Variants in SLC22A9 observed in about 807,000 individuals in gnomAD.
The protein encoded by SLC22A9 is solute carrier family 22 member 9, also known as organic anion transporter 7.
In SLC22A9, 64 loss-of-function variants were observed where a neutral mutation model predicts 50.1. That is an observed-to-expected ratio of 1.28 (90% CI 1.04 to 1.57). The LOEUF is 1.57. Among genes scored for constraint, SLC22A9 ranks in the 40% most tolerant of loss-of-function variants. SLC22A9 has a pLI of 0.00. For missense variants in SLC22A9, 757 were observed against 676.1 expected, an observed-to-expected ratio of 1.12 and a Z score of -1.33; for synonymous variants, 261 against 242.5, an observed-to-expected ratio of 1.08 and a Z score of -0.71.
chr11:63,399,136 G>T (rs2014911035), intron 6 of SLC22A9, among the ~76,000 whole-genome samples: 1 of 152,042 alleles, frequency 6.6e-6, no homozygotes, highest in Non-Finnish European at 1.5e-5. Context: ...AAAGGAAGAA[G>T]GTATATAGAG....
rs1431703607 is a variant in SLC22A9 at position 63,406,849 on chromosome 11, T to TG, written c.1288+141dup. 3 of 984,518 alleles carry TG rather than the reference T, an allele frequency of 3.0e-6. No homozygotes were observed. In the Admixed American group the frequency reaches 8.4e-5, roughly 28 times the overall value. 61.0% of individuals were successfully genotyped at this position (984,518 alleles called of 1,614,324 possible). Reference sequence around the variant, plus strand: ...ATTTCCTGACACCAATCTGGGGATTTGGGACAGATTCTGCCACAAGTTGCT... The same window carrying TG: ...ATTTCCTGACACCAATCTGGGGATTTGGGGACAGATTCTGCCACAAGTTGCT... On this transcript the variant is annotated intron_variant, in intron 7 of 9. Coordinates refer to ENST00000279178, the MANE Select transcript of SLC22A9 (RefSeq NM_080866.3).
intron 2 of SLC22A9, among the ~76,000 whole-genome samples, chr11:63,373,055 G>A (rs2014391766): frequency 6.6e-6 from 1 of 151,638 alleles, no homozygotes; most frequent in Non-Finnish European, 1.5e-5. Flanking sequence ...TATTGTTCCA[G>A]TTGTCTACAG....
intron 8 of SLC22A9, 22 bp from the exon 9 acceptor site, chr11:63,408,654 G>A (rs1202953501): frequency 6.3e-7 from 1 of 1,596,970 alleles, no homozygotes; most frequent in Admixed American, 1.7e-5. Context: ...AGATATTCTT[G>A]TATTGCTGTT....
intron 6 of SLC22A9, among the ~76,000 whole-genome samples, chr11:63,394,605 A>G (rs1391873341): frequency 6.6e-6 from 1 of 152,124 alleles, no homozygotes; most frequent in African/African-American, 2.4e-5. Context: ...TGTTAATCTG[A>G]TAGGTTTTCC....
intron 6 of SLC22A9, among the ~76,000 whole-genome samples, chr11:63,392,939 CT>C (rs1158152144): frequency 6.6e-6 from 1 of 152,002 alleles, no homozygotes; most frequent in Non-Finnish European, 1.5e-5. Flanking sequence ...CAGATTTGTT[CT>C]TTTTGCATAG....
At chr11:63,377,401 T>G (rs1176459647) in intron 5 of SLC22A9, among the ~76,000 whole-genome samples, 1 of 151,822 alleles carries the variant, frequency 6.6e-6, no homozygotes, top group African/African-American at 2.4e-5. Context: ...ATGAAGAAGA[T>G]CTCCCAAAAT....
At chr11:63,394,575 G>A (rs776943183) in intron 6 of SLC22A9, among the ~76,000 whole-genome samples, 42 of 152,088 alleles carry the variant, frequency 2.8e-4, no homozygotes, top group Non-Finnish European at 4.4e-5. Flanking sequence ...AGCTTGTAGG[G>A]TTTCTTCTGA....
intron 6 of SLC22A9, among the ~76,000 whole-genome samples, chr11:63,393,297 T>C (rs2014796479): frequency 6.6e-6 from 1 of 152,164 alleles, no homozygotes; most frequent in Non-Finnish European, 1.5e-5. Flanking sequence ...TTGGTCTCTG[T>C]TGGTGTATAG....
intron 8 of SLC22A9, among the ~76,000 whole-genome samples, 186 bp from the exon 9 acceptor site, chr11:63,408,490 C>T (rs569416478): frequency 1.7e-4 from 26 of 152,272 alleles, no homozygotes; most frequent in African/African-American, 6.3e-4. Flanking sequence ...GATGAAAATG[C>T]ATCTAATGCA....
chr11:63,389,329 C>G (rs1275877853), intron 6 of SLC22A9, among the ~76,000 whole-genome samples: 1 of 151,922 alleles, frequency 6.6e-6, no homozygotes, highest in Non-Finnish European at 1.5e-5. Context: ...CTATCCCTCC[C>G]CCTTCCCCCA....
At chr11:63,371,644 A>G (rs779993702) in intron 2 of SLC22A9, among the ~76,000 whole-genome samples, 1 of 152,214 alleles carries the variant, frequency 6.6e-6, no homozygotes, top group East Asian at 1.9e-4. Context: ...TTGTCATTAC[A>G]TCATAGTTCC....
intron 6 of SLC22A9, among the ~76,000 whole-genome samples, chr11:63,393,515 G>C (rs754253417): frequency 3.3e-5 from 5 of 152,078 alleles, no homozygotes; most frequent in African/African-American, 1.2e-4. Flanking sequence ...TTCTCAGAGG[G>C]AATGCTTTCA....
At chr11:63,397,864 G>GT (rs1326599348) in intron 6 of SLC22A9, among the ~76,000 whole-genome samples, 2 of 151,980 alleles carry the variant, frequency 1.3e-5, no homozygotes, top group Non-Finnish European at 1.5e-5. Flanking sequence ...ACCCCACTTG[G>GT]TGTTCTATCC....
rs180743949 is a variant in SLC22A9 at position 63,405,608 on chromosome 11, A to T, written c.1074-889A>T. On this transcript the variant is annotated intron_variant, in intron 6 of 9. Coordinates refer to ENST00000279178, the MANE Select transcript of SLC22A9 (RefSeq NM_080866.3). ...ACTACACAGGACCAACTACACAGTG[A>T]ATGCTGTGGATATACAATCTGTCAC... Among the ~76,000 whole-genome samples the T allele has an allele frequency of 6.6e-5, 10 of 152,302 alleles. No homozygotes were observed. In the East Asian group the frequency reaches 1.3e-3, roughly 21 times the overall value.
chr11:63,395,764 A>T (rs1352276997), intron 6 of SLC22A9, among the ~76,000 whole-genome samples: 1 of 152,124 alleles, frequency 6.6e-6, no homozygotes, highest in Non-Finnish European at 1.5e-5. Flanking sequence ...ATGGGGCCCT[A>T]GAACTCCCAA....
At chr11:63,377,380 G>A (rs553339123) in intron 5 of SLC22A9, among the ~76,000 whole-genome samples, 1 of 152,100 alleles carries the variant, frequency 6.6e-6, no homozygotes, top group East Asian at 1.9e-4. Context: ...CACAATAAAA[G>A]AGAGATCAAT....
At chr11:63,387,451 T>A (rs1386419971) in intron 6 of SLC22A9, among the ~76,000 whole-genome samples, 1 of 152,076 alleles carries the variant, frequency 6.6e-6, no homozygotes, top group African/African-American at 2.4e-5. Flanking sequence ...AAGTAGACTA[T>A]AGATGTTTGG....
chr11:63,390,698 A>G (rs544499597), intron 6 of SLC22A9, among the ~76,000 whole-genome samples: 33 of 152,106 alleles, frequency 2.2e-4, no homozygotes, highest in African/African-American at 7.9e-4. Context: ...TCCATATGAA[A>G]TTTAAAGTAG....
rs1440510061 is a variant in SLC22A9 at position 63,409,894 on chromosome 11, G to T, written c.*32G>T. On this transcript the variant is annotated 3_prime_UTR_variant, in exon 10 of 10. Transcript: ENST00000279178. ...CCAGGAGCTGACTGCCGATCAATGA[G>T]CCAGATGAAGGGAACAATCAGGACT... 4 of 1,609,602 alleles carry T rather than the reference G, an allele frequency of 2.5e-6. No homozygotes were observed. Among genetic ancestry groups the T allele is most frequent in the Non-Finnish European group, 3.4e-6 (4 of 1,176,446 alleles).
Sources: gnomAD v4.1 joint callset for allele counts (sites outside exome capture counted in the v4.1 genomes callset) on GRCh38, gnomAD v4.1.1 for gene constraint, MANE v1.5 for transcripts, NCBI Gene and HGNC (gene_info 2026-07-23, HGNC 2026-07-21) for gene names.